PLXDC2: variants seen among roughly 807,000 people sequenced by gnomAD.
PLXDC2 encodes the protein plexin domain containing 2.
A neutral mutation model predicts 68.9 loss-of-function variants in PLXDC2; 40 were observed. The ratio of observed to expected loss-of-function variants is 0.58; its 90% CI spans 0.45 to 0.76. The LOEUF (loss-of-function observed/expected upper bound fraction) is 0.76. PLXDC2 is among the 30% of genes least tolerant of loss of function. PLXDC2 has a pLI of 0.00. For missense variants in PLXDC2, 644 were observed against 661.9 expected (o/e 0.97, Z 0.30); for synonymous variants, 243 against 234.2 (o/e 1.04, Z -0.34).
chr10:20,191,949 T>G lies in PLXDC2; in HGVS notation c.1061+14540T>G, dbSNP rs368657104. ...TAGCTACCTTTTATTTTGTATTTAC[T>G]ATGTGCCACACATTCCATGAAAGGC... On this transcript the variant is annotated intron_variant, in intron 9 of 13. Transcript: ENST00000377252. 3.0e-4 allele frequency among the ~76,000 whole-genome samples: 45 copies of G among 152,190 alleles called. No homozygotes were observed. In the East Asian group the frequency reaches 7.2e-3, roughly 24 times the overall value.
At chr10:19,839,619 C>A (rs1251499693) in intron 1 of PLXDC2, among the ~76,000 whole-genome samples, 2 of 143,734 alleles carry the variant, frequency 1.4e-5, no homozygotes, top group Non-Finnish European at 3.0e-5. Flanking sequence ...TGATAATGCC[C>A]ACCTCACATG....
chr10:20,273,372 T>C (rs912744454), intron 13 of PLXDC2, among the ~76,000 whole-genome samples: 1 of 152,330 alleles, frequency 6.6e-6, no homozygotes, highest in Non-Finnish European at 1.5e-5. Flanking sequence ...CTTTCATGAT[T>C]ATTACTGAAA....
At chr10:20,255,367 ATTCTT>A in intron 13 of PLXDC2, among the ~76,000 whole-genome samples, 1 of 152,130 alleles carries the variant, frequency 6.6e-6, no homozygotes. Flanking sequence ...AAGTATTCTG[ATTCTT>A]TTCTTCTGTT....
intron 4 of PLXDC2, among the ~76,000 whole-genome samples, chr10:20,106,894 C>T (rs2460579): frequency 0.94 from 142,893 of 151,404 alleles, 67,520 homozygotes; most frequent in African/African-American, 0.96. Context: ...ATCGTGGATG[C>T]ATATTACATG....
At chr10:19,895,671 C>A (rs1216866163) in intron 1 of PLXDC2, among the ~76,000 whole-genome samples, 2 of 152,230 alleles carry the variant, frequency 1.3e-5, no homozygotes, top group African/African-American at 2.4e-5. Flanking sequence ...TGGCCACCGC[C>A]TTAGACAGCT....
chr10:20,113,414 C>A (rs759572965), intron 4 of PLXDC2, among the ~76,000 whole-genome samples: 2 of 152,148 alleles, frequency 1.3e-5, no homozygotes, highest in Admixed American at 6.5e-5. Flanking sequence ...TTCCTCAGCC[C>A]TTTCGCCCTT....
At chr10:19,993,224 A>G (rs998744237) in intron 1 of PLXDC2, among the ~76,000 whole-genome samples, 4 of 152,290 alleles carry the variant, frequency 2.6e-5, no homozygotes, top group South Asian at 4.1e-4. Context: ...TTTAGTAAAG[A>G]TGTAGCAATA....
chr10:20,237,399 G>GA lies in PLXDC2; in HGVS notation c.1313-7941dup, dbSNP rs1416395010. On this transcript the variant is annotated intron_variant, in intron 12 of 13. Transcript: ENST00000377252. ...AAAATGAAAGAACTAAGAGGATTAT[G>GA]AAAAATTACAAAAGACATAAAACAC... Among the ~76,000 whole-genome samples the GA allele has an allele frequency of 2.0e-5, 3 of 152,146 alleles. No individual in the cohort carries two copies. In the East Asian group the frequency reaches 5.8e-4, roughly 29 times the overall value.
intron 1 of PLXDC2, among the ~76,000 whole-genome samples, chr10:19,991,616 G>A (rs1045964227): frequency 1.3e-4 from 20 of 152,126 alleles, no homozygotes; most frequent in South Asian, 4.2e-4. Flanking sequence ...GTCTCTGGTC[G>A]TTGGATAAGT....
intron 1 of PLXDC2, among the ~76,000 whole-genome samples, chr10:19,848,620 A>G (rs1310783688): frequency 6.6e-6 from 1 of 152,210 alleles, no homozygotes; most frequent in Non-Finnish European, 1.5e-5. Context: ...AAAAGAAGAA[A>G]TAACTGTTGT....
chr10:19,835,261 G>T (rs1387257792), intron 1 of PLXDC2, among the ~76,000 whole-genome samples: 3 of 152,158 alleles, frequency 2.0e-5, no homozygotes, highest in Admixed American at 2.0e-4. Context: ...GACAAACTCA[G>T]ATGGGCTCTT....
chr10:19,858,213 A>G lies in PLXDC2; in HGVS notation c.112+41022A>G, dbSNP rs183375988. ...GCAAAAATCTCCCTCGGGTGGCTGT[A>G]GTCCCCCAAATTACCCTCCTTCATC... is the stretch of plus-strand genomic sequence containing the variant. On this transcript the variant is annotated intron_variant, in intron 1 of 13. Transcript: ENST00000377252. Among the ~76,000 whole-genome samples the G allele has an allele frequency of 3.9e-5, 6 of 152,288 alleles. No homozygotes were observed. The East Asian group carries it at 1.2e-3, about 29-fold the overall frequency.
chr10:20,092,185 C>G (rs533602808), intron 4 of PLXDC2, among the ~76,000 whole-genome samples: 14 of 152,124 alleles, frequency 9.2e-5, no homozygotes, highest in Admixed American at 9.2e-4. Context: ...TTATGAAATA[C>G]CGCATAAGTA....
rs1450965185 is a variant in PLXDC2, at chr10:20,184,047, T to A, written c.1061+6638T>A. Among the ~76,000 whole-genome samples the A allele has an allele frequency of 8.7e-5, 13 of 150,288 alleles. No individual in the cohort carries two copies. The East Asian group carries it at 2.6e-3, about 30-fold the overall frequency. ...TAAAAGAATAAACAGAATAAGCCCC[T>A]CCTTATTAATGGTAAAGATATGTAT... On this transcript the variant is annotated intron_variant, in intron 9 of 13. Transcript: ENST00000377252.
intron 1 of PLXDC2, among the ~76,000 whole-genome samples, chr10:19,910,140 G>A (rs971919455): frequency 5.4e-5 from 8 of 149,094 alleles, no homozygotes; most frequent in East Asian, 3.9e-4. Context: ...GGGACAGGAC[G>A]TAACAGTGAC....
chr10:20,088,481 A>G (rs1020881105), intron 4 of PLXDC2, among the ~76,000 whole-genome samples: 3 of 152,186 alleles, frequency 2.0e-5, no homozygotes, highest in African/African-American at 7.2e-5. Context: ...TATTGTTAGT[A>G]CTAGAGTCTG....
intron 9 of PLXDC2, among the ~76,000 whole-genome samples, chr10:20,186,780 T>C (rs886458272): frequency 6.6e-6 from 1 of 151,988 alleles, no homozygotes; most frequent in Non-Finnish European, 1.5e-5. Flanking sequence ...TATTCCATCA[T>C]GTATATGTAC....
chr10:20,265,121 G>A (rs1223732626), intron 13 of PLXDC2, among the ~76,000 whole-genome samples: 1 of 152,180 alleles, frequency 6.6e-6, no homozygotes, highest in Non-Finnish European at 1.5e-5. Flanking sequence ...GATGGAAAAT[G>A]TCAGCCAAGA....
At chr10:20,258,698 C>G (rs1835773444) in intron 13 of PLXDC2, among the ~76,000 whole-genome samples, 1 of 152,004 alleles carries the variant, frequency 6.6e-6, no homozygotes, top group South Asian at 2.1e-4. Flanking sequence ...AATTTGTTTT[C>G]CTAACATAGA....
Sources: gnomAD v4.1 joint callset for allele counts (sites outside exome capture counted in the v4.1 genomes callset) on GRCh38, gnomAD v4.1.1 for gene constraint, MANE v1.5 for transcripts, NCBI Gene and HGNC (gene_info 2026-07-23, HGNC 2026-07-21) for gene names.